Variants in SZT2 observed in about 807,000 individuals in gnomAD.
SZT2 encodes KICSTOR complex protein SZT2.
A neutral mutation model predicts 404.2 loss-of-function variants in SZT2; 216 were observed. The observed-to-expected ratio is 0.53, with a 90% CI of 0.48 to 0.60. The LOEUF (loss-of-function observed/expected upper bound fraction) is 0.60, where lower values mean the gene tolerates loss of function less well. SZT2 is among the 20% of genes least tolerant of loss of function. The pLI is 0.00. For synonymous variants in SZT2, 1,693 were observed against 1,749.9 expected (o/e 0.97, Z 0.81); for missense variants, 3,857 against 4,459.2 (o/e 0.86, Z 3.85).
intron 47 of SZT2, 30 bp from the exon 48 acceptor site, chr1:43,438,899 C>T: frequency 6.2e-7 from 1 of 1,613,816 alleles, no homozygotes. Context: ...CTTCTGCATT[C>T]AGCTCTGCCC....
intron 39 of SZT2, 54 bp from the exon 40 acceptor site, chr1:43,432,935 A>G: frequency 6.2e-7 from 1 of 1,603,396 alleles, no homozygotes; most frequent in Non-Finnish European, 8.5e-7. Context: ...CTGGAGGATC[A>G]GATGAGTCAG....
At position 43,431,856 on chromosome 1, in the gene SZT2, G is replaced by A. The variant is rs2153934087; in HGVS notation, c.5229G>A (p.Leu1743=). 6.2e-7 allele frequency: 1 copy of A among 1,614,214 alleles called. No homozygotes were observed. The highest frequency in any genetic ancestry group is 1.3e-5 in the African/African-American group (1 of 75,050). Residue 1743 remains leucine (L), a synonymous_variant, in exon 36 of 72, where the codon CTG becomes CTA. Coordinates refer to ENST00000634258, the MANE Select transcript of SZT2 (RefSeq NM_001365999.1). The part of the protein sequence containing the change: ...RSTCLRQTLP[L]SFVFGPERSL... ...CCTGCCTTCGCCAAACTCTGCCACT[G>A]AGTTTTGTATTTGGGCCAGAGCGTT...
In SZT2 at chr1:43,442,846, A is replaced by G. The variant is rs755144394; in HGVS notation, c.8179A>G (p.Met2727Val). 8 of 1,610,230 alleles carry G rather than the reference A, an allele frequency of 5.0e-6. No homozygotes were observed. The highest frequency in any genetic ancestry group is 5.1e-6 in the Non-Finnish European group (6 of 1,177,708). ...KEPNPFLLPT[M>V]EVETLIRSAS... The stretch of plus-strand genomic sequence containing the variant: ...GCCAAACCCATTCCTGCTGCCGACC[A>G]TGGAAGTGGAGACCCTCATCCGGAG... The change falls in exon 59 of 72, where the codon ATG becomes GTG. Residue 2727 changes from methionine to valine, a missense_variant. By Grantham distance (21) the Met-to-Val change is conservative. Transcript: ENST00000634258. This position sits in a 1 kb window ranked among gnomAD's most constrained non-coding sequence, Gnocchi z 4.5.
At position 43,439,025 on chromosome 1, in the gene SZT2, C is replaced by T. The variant is rs765848129; in HGVS notation, c.6724C>T (p.Arg2242Trp). The part of the protein sequence containing the change: ...PWLPALAWYL[R>W]QNLLIFLHSP... ...GCTTCCAGCCCTGGCATGGTACCTA[C>T]GGCAGAACTTGCTCATCTTCCTGCA... Residue 2242 changes from arginine (R) to tryptophan (W), a missense_variant, in exon 48 of 72, where the codon CGG becomes TGG. Arg to Trp is a moderately radical substitution (Grantham distance 101). Transcript: ENST00000634258. This position sits in a 1 kb window ranked among gnomAD's most constrained non-coding sequence, Gnocchi z 4.2. 24 of 1,614,192 alleles carry T rather than the reference C, an allele frequency of 1.5e-5. No individual in the cohort carries two copies. The highest frequency in any genetic ancestry group is 4.5e-5 in the East Asian group (2 of 44,886).
At chr1:43,408,147 T>C (rs1650561014) in intron 4 of SZT2, among the ~76,000 whole-genome samples, 2 of 152,098 alleles carry the variant, frequency 1.3e-5, no homozygotes, top group Admixed American at 1.3e-4. Flanking sequence ...TCTAACATTT[T>C]ATGGAACTTT....
Position 43,427,649 on chromosome 1 carries a change from T to C in SZT2, c.3718T>C (p.Tyr1240His), listed in dbSNP as rs765996086. The change falls in exon 26 of 72, where the codon TAC becomes CAC. Residue 1240 changes from tyrosine to histidine, a missense_variant. Tyr to His is a moderately conservative substitution (Grantham distance 83). Around this residue, in one of 7 missense-constraint regions of SZT2, gnomAD observed 1,725 missense variants for 1,881.0 expected, o/e 0.92. Transcript: ENST00000634258. ...ADGPRTRCPV[Y>H]IYSCSLEALR... Reference sequence around the variant, plus strand: ...TGGGCCCCGGACCCGGTGTCCTGTCTACATCTACAGCTGTTCACTGGAAGC... The same window carrying C: ...TGGGCCCCGGACCCGGTGTCCTGTCCACATCTACAGCTGTTCACTGGAAGC... 4 of 1,614,072 alleles carry C rather than the reference T, an allele frequency of 2.5e-6. No homozygotes were observed. In the South Asian group the frequency reaches 4.4e-5, roughly 18 times the overall value.
intron 4 of SZT2, chr1:43,412,049 A>AT (rs1651120153): frequency 6.6e-6 from 1 of 152,312 alleles, no homozygotes; most frequent in African/African-American, 2.4e-5. Context: ...AAGTGCTGGG[A>AT]TTACAGGCGT....
Position 43,452,039 on chromosome 1 carries a change from T to C in SZT2, c.*1559T>C. Reference sequence around the variant, plus strand: ...CTAGCAGCATGTCGGGTGCTGTGAATAGAGCTCCTTCCCAAGTTTGTCCCC... The same window carrying C: ...CTAGCAGCATGTCGGGTGCTGTGAACAGAGCTCCTTCCCAAGTTTGTCCCC... On this transcript the variant is annotated 3_prime_UTR_variant, in exon 72 of 72. Transcript: ENST00000634258. 1 of 1,587,912 alleles carries C rather than the reference T, an allele frequency of 6.3e-7. No individual in the cohort carries two copies. Among genetic ancestry groups the C allele is most frequent in the Non-Finnish European group, 8.6e-7 (1 of 1,163,508 alleles).
At chr1:43,444,561 TC>T (rs1269324429) in intron 62 of SZT2, among the ~76,000 whole-genome samples, 3 of 152,152 alleles carry the variant, frequency 2.0e-5, no homozygotes, top group Non-Finnish European at 4.4e-5. Context: ...TGCATCACTG[TC>T]CTTGGCCTGT....
rs1652485255 is a variant in SZT2 at position 43,422,466 on chromosome 1, A to G, written c.1770-14A>G. 6.4e-7 allele frequency: 1 copy of G among 1,566,500 alleles called. No homozygotes were observed. Among genetic ancestry groups the G allele is most frequent in the East Asian group, 2.2e-5 (1 of 44,598 alleles). On this transcript the variant is annotated splice_polypyrimidine_tract_variant and intron_variant, in intron 12 of 71. Coordinates refer to ENST00000634258, the MANE Select transcript of SZT2 (RefSeq NM_001365999.1). Reference sequence around the variant, plus strand: ...GCCTGGAGGTCTAACCTCAGTCCACACCCCTCTTCCTAGACCAATCCCCAA... The same window carrying G: ...GCCTGGAGGTCTAACCTCAGTCCACGCCCCTCTTCCTAGACCAATCCCCAA...
In SZT2 at chr1:43,454,162, T is replaced by G; in HGVS notation, c.*3682T>G. 1 of 371,668 alleles carries G rather than the reference T, an allele frequency of 2.7e-6. No individual in the cohort carries two copies. The highest frequency in any genetic ancestry group is 3.8e-6 in the Non-Finnish European group (1 of 261,098). 23.0% of individuals were successfully genotyped at this position (371,668 alleles called of 1,614,324 possible). On this transcript the variant is annotated 3_prime_UTR_variant, in exon 72 of 72. Transcript: ENST00000634258. ...GGACGCGCACTTTAATACTGAGTCT[T>G]TCCTCTGATTATAAAAATGCTATCT...
In SZT2 at chr1:43,420,504, C is replaced by G. The variant is rs1227988712; in HGVS notation, c.1261+181C>G. Among the ~76,000 whole-genome samples the G allele has an allele frequency of 6.6e-6, 1 of 152,218 alleles. No homozygotes were observed. The highest frequency in any genetic ancestry group is 2.4e-5 in the African/African-American group (1 of 41,444). ...GCATGGAGCTTCCCAATTCTATCTC[C>G]TTTTGCCCAAGGTGAACCAGCTGAG... On this transcript the variant is annotated intron_variant, in intron 9 of 71. Transcript: ENST00000634258. This position sits in a 1 kb window ranked among gnomAD's most constrained non-coding sequence, Gnocchi z 5.1.
chr1:43,442,740 CTG>C lies in SZT2; in HGVS notation c.8152-78_8152-77del, dbSNP rs1442005341. 3.3e-6 allele frequency: 5 copies of C among 1,537,040 alleles called. No homozygotes were observed. The Admixed American group carries it at 5.7e-5, about 18-fold the overall frequency. On this transcript the variant is annotated intron_variant, in intron 58 of 71. Coordinates refer to ENST00000634258, the MANE Select transcript of SZT2 (RefSeq NM_001365999.1). This position sits in a 1 kb window ranked among gnomAD's most constrained non-coding sequence, Gnocchi z 4.5. ...GGCAGAGGTAGTGGGGAGGGAGAGT[CTG>C]AGAGAGGAAGCCCTGGGATGAGAGA...
chr1:43,428,343 A>G lies in SZT2; in HGVS notation c.4023A>G (p.Pro1341=). The stretch of plus-strand genomic sequence containing the variant: ...TACTACAAGAAATAGACATCACCCC[A>G]TTTCTCCTTGCATTGTGTGGCCACA... ...EELLQEIDIT[P]FLLALCGHTW... The change falls in exon 28 of 72, where the codon CCA becomes CCG. Residue 1341 remains proline (P), a synonymous_variant. Coordinates refer to ENST00000634258, the MANE Select transcript of SZT2 (RefSeq NM_001365999.1). The G allele has an allele frequency of 2.5e-6, 4 of 1,614,014 alleles. No individual in the cohort carries two copies. The highest frequency in any genetic ancestry group is 3.4e-6 in the Non-Finnish European group (4 of 1,180,000).
At chr1:43,440,169 G>A in intron 51 of SZT2, 121 bp downstream of exon 51, 1 of 1,367,132 alleles carries the variant, frequency 7.3e-7, no homozygotes, top group South Asian at 1.3e-5. Flanking sequence ...TACTACATCA[G>A]AACCACTTAT....
intron 4 of SZT2, 182 bp downstream of exon 4, chr1:43,404,732 C>T: frequency 1.7e-6 from 1 of 576,200 alleles, no homozygotes; most frequent in Non-Finnish European, 2.9e-6. Flanking sequence ...TTCCTCTGGA[C>T]TTAAAGGGCT....
chr1:43,403,486 G>C, intron 2 of SZT2, 115 bp from the exon 3 acceptor site: 1 of 1,420,372 alleles, frequency 7.0e-7, no homozygotes, highest in South Asian at 1.3e-5. Context: ...AGAGTATACG[G>C]TTAGATTGAG....
chr1:43,437,139 C>A lies in SZT2; in HGVS notation c.6035-32C>A. Reference sequence around the variant, plus strand: ...CTGTGGAGGGCAGAGGGTGGTGTGTCCCATTTCTAATCCCTGCTCCCCCTC... The same window carrying A: ...CTGTGGAGGGCAGAGGGTGGTGTGTACCATTTCTAATCCCTGCTCCCCCTC... On this transcript the variant is annotated intron_variant, in intron 42 of 71. Transcript: ENST00000634258. The surrounding 1 kb of genome is among the most constrained non-coding windows in gnomAD (Gnocchi z 5.3). The A allele has an allele frequency of 2.5e-6, 4 of 1,611,852 alleles. No homozygotes were observed. The highest frequency in any genetic ancestry group is 1.1e-5 in the South Asian group (1 of 90,830).
At chr1:43,394,152 T>G (rs1427951001) in intron 1 of SZT2, 2 of 897,540 alleles carry the variant, frequency 2.2e-6, no homozygotes, top group Non-Finnish European at 2.7e-6. Flanking sequence ...AATGTTAATG[T>G]GGAAGAATCA....
Sources: gnomAD v4.1 joint callset for allele counts (sites outside exome capture counted in the v4.1 genomes callset) on GRCh38, gnomAD v4.1.1 for gene constraint, gnomAD v4.1.1 regional missense constraint, Gnocchi (gnomAD v3.1) non-coding constraint, MANE v1.5 for transcripts, NCBI Gene and HGNC (gene_info 2026-07-23, HGNC 2026-07-21) for gene names.